The following NFIC variants were observed in gnomAD, a reference collection of about 807,000 sequenced individuals.
NFIC encodes nuclear factor 1 C-type.
Under a neutral mutation model 54.4 loss-of-function variants are expected in NFIC, and 12 were observed. The ratio of observed to expected loss-of-function variants is 0.22; its 90% confidence interval spans 0.14 to 0.36. The LOEUF is 0.36. NFIC is among the 10% of genes least tolerant of loss of function. The pLI is 1.00. For synonymous variants in NFIC, 322 were observed against 319.2 expected (o/e 1.01, Z -0.09); for missense variants, 575 against 718.2 (o/e 0.80, Z 2.28).
rs1056239592 is a variant in NFIC, at chr19:3,452,182, G to T, written c.1085-300G>T. 6.6e-6 allele frequency among the ~76,000 whole-genome samples: 1 copy of T among 151,588 alleles called. No homozygotes were observed. The highest frequency in any genetic ancestry group is 2.4e-5 in the African/African-American group (1 of 41,196). ...GCACTTTGGGAGGCCTAGGAGGGAG[G>T]ATCGCTTGAGCCCAGGAGTTCGAGA... On this transcript the variant is annotated intron_variant, in intron 7 of 10. Coordinates refer to ENST00000443272, the MANE Select transcript of NFIC (RefSeq NM_001245002.2). The surrounding 1 kb of genome is among the most constrained non-coding windows in gnomAD (Gnocchi z 5.3).
intron 2 of NFIC, among the ~76,000 whole-genome samples, chr19:3,417,624 C>CTTTTTTTTTTTTTT (rs757954619): frequency 1.6e-5 from 2 of 121,640 alleles, no homozygotes; most frequent in Admixed American, 8.4e-5. Context: ...TTTTTCTTTT[C>CTTTTTTTTTTTTTT]TTTTTTTTTT....
chr19:3,437,674 T>G (rs534175103), intron 6 of NFIC, among the ~76,000 whole-genome samples: 3 of 148,924 alleles, frequency 2.0e-5, no homozygotes, highest in Non-Finnish European at 3.0e-5. Flanking sequence ...TTCTGTTTCG[T>G]TTTTTTTGTT....
intron 2 of NFIC, among the ~76,000 whole-genome samples, chr19:3,402,229 A>G (rs995448942): frequency 9.2e-5 from 14 of 152,084 alleles, no homozygotes; most frequent in African/African-American, 1.4e-4. Flanking sequence ...TATTTTTAGT[A>G]GAGATGGGGC....
chr19:3,468,780 TTACCGCACAC>T lies in NFIC; in HGVS notation c.*6013_*6022del, dbSNP rs1255761084. 1 of 152,174 alleles carries T rather than the reference TTACCGCACAC, an allele frequency of 6.6e-6. No individual in the cohort carries two copies. Among genetic ancestry groups the T allele is most frequent in the African/African-American group, 2.4e-5 (1 of 41,420 alleles). The allele number at this position is 152,174 out of a possible 1,614,324, so 9.4% of individuals were successfully genotyped here. On this transcript the variant is annotated 3_prime_UTR_variant, in exon 11 of 11. Transcript: ENST00000443272. ...GTTTACTCTCCTTCTAGCTTTCTGC[TTACCGCACAC>T]TGGATAACACACACATACACACCCA...
chr19:3,427,072 G>A (rs763073743), intron 3 of NFIC, among the ~76,000 whole-genome samples: 15 of 151,664 alleles, frequency 9.9e-5, no homozygotes, highest in Non-Finnish European at 1.8e-4. Flanking sequence ...GACTACAGGC[G>A]CCCACCACCA....
chr19:3,407,436 TTTG>T (rs1423522686), intron 2 of NFIC, among the ~76,000 whole-genome samples: 4 of 144,818 alleles, frequency 2.8e-5, no homozygotes, highest in African/African-American at 5.2e-5. Context: ...TTGTTTTTGC[TTTG>T]TTGTTGTTGT....
intron 6 of NFIC, among the ~76,000 whole-genome samples, chr19:3,440,817 G>A (rs2082282876): frequency 1.3e-5 from 2 of 152,158 alleles, no homozygotes; most frequent in South Asian, 4.1e-4. Flanking sequence ...CACTGCGCCT[G>A]GCCTTTTTTG....
At chr19:3,438,269 T>C (rs2082235925) in intron 6 of NFIC, among the ~76,000 whole-genome samples, 1 of 137,026 alleles carries the variant, frequency 7.3e-6, no homozygotes, top group Non-Finnish European at 1.6e-5. Context: ...GGGAAGGAGG[T>C]GGTAGCAATG....
intron 1 of NFIC, among the ~76,000 whole-genome samples, chr19:3,360,085 G>A (rs2080790482): frequency 1.4e-5 from 2 of 147,418 alleles, no homozygotes; most frequent in South Asian, 2.1e-4. Flanking sequence ...GGGGGAGCCC[G>A]GGCCAGGGAG....
chr19:3,387,573 G>C (rs2081316894), intron 2 of NFIC, among the ~76,000 whole-genome samples: 1 of 152,114 alleles, frequency 6.6e-6, no homozygotes, highest in African/African-American at 2.4e-5. Context: ...GACATGGAGG[G>C]GGGCTGGGGG....
chr19:3,418,516 C>G (rs1450935461), intron 2 of NFIC, among the ~76,000 whole-genome samples: 2 of 152,144 alleles, frequency 1.3e-5, no homozygotes, highest in African/African-American at 2.4e-5. Context: ...GAATGGTCAG[C>G]AGGTGGTTGA....
intron 2 of NFIC, among the ~76,000 whole-genome samples, chr19:3,386,104 C>T (rs545870174): frequency 7.5e-4 from 112 of 148,960 alleles, no homozygotes; most frequent in African/African-American, 2.5e-3. Context: ...ACCCCAACTC[C>T]GGCTGGGTGT....
At chr19:3,450,368 C>T (rs1399864745) in intron 7 of NFIC, among the ~76,000 whole-genome samples, 10 of 141,650 alleles carry the variant, frequency 7.1e-5, no homozygotes, top group Admixed American at 6.4e-4. Flanking sequence ...GAGACATCTC[C>T]ATCTCGGCCA....
intron 1 of NFIC, among the ~76,000 whole-genome samples, chr19:3,376,091 G>C (rs2081102736): frequency 6.6e-6 from 1 of 152,068 alleles, no homozygotes; most frequent in African/African-American, 2.4e-5. Context: ...ACGGAGCGGG[G>C]CCTCAGGCTG....
rs1358025003 is a variant in NFIC, at chr19:3,453,006, C to T, written c.1269+340C>T. On this transcript the variant is annotated intron_variant, in intron 8 of 10. Coordinates refer to ENST00000443272, the MANE Select transcript of NFIC (RefSeq NM_001245002.2). The surrounding 1 kb of genome is among the most constrained non-coding windows in gnomAD (Gnocchi z 6.7). ...ATCCCAGCGCTTTCGGAGGCCAAGG[C>T]GGGAGGATTGCATAAGCCCAGAGTT... 1.3e-5 allele frequency among the ~76,000 whole-genome samples: 2 copies of T among 152,144 alleles called. No individual in the cohort carries two copies. The highest frequency in any genetic ancestry group is 4.8e-5 in the African/African-American group (2 of 41,426).
intron 6 of NFIC, among the ~76,000 whole-genome samples, chr19:3,445,390 TG>T (rs1466907000): frequency 6.6e-6 from 1 of 152,216 alleles, no homozygotes; most frequent in Non-Finnish European, 1.5e-5. Flanking sequence ...GGGGCCTCTC[TG>T]GGTGGCTCAG....
chr19:3,405,282 C>G (rs1362569870), intron 2 of NFIC, among the ~76,000 whole-genome samples: 1 of 152,212 alleles, frequency 6.6e-6, no homozygotes, highest in East Asian at 1.9e-4. Flanking sequence ...TCGGGCCCCC[C>G]CAGGTCACAT....
At chr19:3,385,622 G>T (rs2081285087) in intron 2 of NFIC, among the ~76,000 whole-genome samples, 2 of 147,120 alleles carry the variant, frequency 1.4e-5, no homozygotes, top group South Asian at 2.3e-4. Context: ...TCCCAGGCTG[G>T]AGTGCAATGA....
rs2082683533 is a variant in NFIC, at chr19:3,464,165, T to TTCATCGCCTACCCC, written c.*1397_*1410dup. On this transcript the variant is annotated 3_prime_UTR_variant, in exon 11 of 11. Coordinates refer to ENST00000443272, the MANE Select transcript of NFIC (RefSeq NM_001245002.2). Reference sequence around the variant, plus strand: ...GCGAAGGGGGACCGCCGTTTGCACTTTCATCGCCTACCCCGACGCGGGGCC... The same window carrying TTCATCGCCTACCCC: ...GCGAAGGGGGACCGCCGTTTGCACTTTCATCGCCTACCCCTCATCGCCTACCCCGACGCGGGGCC... The TTCATCGCCTACCCC allele has an allele frequency of 1.0e-6, 1 of 984,150 alleles. No individual in the cohort carries two copies. 61.0% of individuals were successfully genotyped at this position (984,150 alleles called of 1,614,324 possible).
Sources: gnomAD v4.1 joint callset for allele counts (sites outside exome capture counted in the v4.1 genomes callset) on GRCh38, gnomAD v4.1.1 for gene constraint, Gnocchi (gnomAD v3.1) non-coding constraint, MANE v1.5 for transcripts, NCBI Gene and HGNC (gene_info 2026-07-23, HGNC 2026-07-21) for gene names.